The following SNX8 variants were observed in gnomAD, a reference collection of about 807,000 sequenced individuals.
SNX8 encodes sorting nexin-8.
Under a neutral mutation model 51.6 loss-of-function variants are expected in SNX8, and 25 were observed. The ratio of observed to expected loss-of-function variants is 0.48; its 90% confidence interval spans 0.35 to 0.68. The LOEUF is 0.68. Ranked by LOEUF, SNX8 falls within the 30% of genes least tolerant of loss-of-function variation. The pLI is 0.00. For missense variants in SNX8, 695 were observed against 624.0 expected, an observed-to-expected ratio of 1.11 and a Z score of -1.21; for synonymous variants, 324 against 277.0, an observed-to-expected ratio of 1.17 and a Z score of -1.68.
At chr7:2,328,267 G>A (rs1778663791) in intron 1 of SNX8, among the ~76,000 whole-genome samples, 1 of 151,984 alleles carries the variant, frequency 6.6e-6, no homozygotes. Context: ...TGGCCAGGCA[G>A]GCTAGTCTCA....
intron 1 of SNX8, among the ~76,000 whole-genome samples, chr7:2,342,155 G>C (rs1346781331): frequency 6.6e-6 from 1 of 151,466 alleles, no homozygotes; most frequent in Non-Finnish European, 1.5e-5. Flanking sequence ...CTCCAGCCTG[G>C]GCAATAAGAG....
intron 1 of SNX8, among the ~76,000 whole-genome samples, chr7:2,304,347 A>C (rs1180899765): frequency 6.6e-6 from 1 of 151,262 alleles, no homozygotes; most frequent in African/African-American, 2.4e-5. Context: ...GATAGAGACC[A>C]TCCTGGCTAA....
intron 1 of SNX8, among the ~76,000 whole-genome samples, chr7:2,331,292 CTA>C (rs1778730496): frequency 6.6e-6 from 1 of 151,334 alleles, no homozygotes; most frequent in Admixed American, 6.6e-5. Flanking sequence ...AGAAAAGCTA[CTA>C]GACTAATAAT....
At chr7:2,308,540 C>A (rs1487435684) in intron 1 of SNX8, among the ~76,000 whole-genome samples, 1 of 151,580 alleles carries the variant, frequency 6.6e-6, no homozygotes, top group Non-Finnish European at 1.5e-5. Context: ...TGGTGGCACA[C>A]GCCTGTAATC....
intron 3 of SNX8, among the ~76,000 whole-genome samples, chr7:2,274,014 C>T (rs73043244): frequency 0.15 from 22,766 of 152,310 alleles, 2,054 homozygotes; most frequent in Middle Eastern, 0.27. Flanking sequence ...GCTGCACTTC[C>T]TTAAATGCGC....
rs532532404 is a variant in SNX8, at chr7:2,290,833, A to G, written c.95-12528T>C. On this transcript the variant is annotated intron_variant, in intron 1 of 10. Transcript: ENST00000222990. ...AGCAGAGAATCTTCCCTCCTCCACC[A>G]CGGCCTCTCTGCCAATTCTCAGCTA... Among the ~76,000 whole-genome samples the G allele has an allele frequency of 9.2e-5, 14 of 152,318 alleles. No individual in the cohort carries two copies. In the East Asian group the frequency reaches 2.1e-3, roughly 23 times the overall value.
intron 1 of SNX8, among the ~76,000 whole-genome samples, chr7:2,287,385 C>G (rs2115158954): frequency 6.6e-6 from 1 of 152,180 alleles, no homozygotes; most frequent in South Asian, 2.1e-4. Context: ...TCGAGACCAG[C>G]CTGGCCAACA....
intron 5 of SNX8, among the ~76,000 whole-genome samples, chr7:2,266,958 G>T (rs752567728): frequency 6.6e-6 from 1 of 152,248 alleles, no homozygotes; most frequent in Non-Finnish European, 1.5e-5. Context: ...AATCTGAAAA[G>T]GTGCTGACAC....
intron 3 of SNX8, among the ~76,000 whole-genome samples, chr7:2,272,486 T>C (rs993105164): frequency 6.6e-6 from 1 of 151,820 alleles, no homozygotes; most frequent in Admixed American, 6.6e-5. Flanking sequence ...GCGATTCTCC[T>C]GTCTCAGCCT....
At chr7:2,307,849 C>G (rs1796580710) in intron 1 of SNX8, 1 of 152,174 alleles carries the variant, frequency 6.6e-6, no homozygotes, top group East Asian at 1.9e-4. Context: ...CCCCAGCAAA[C>G]AGGATGGGCA....
chr7:2,277,071 G>A (rs775636210), intron 2 of SNX8, among the ~76,000 whole-genome samples: 2 of 152,220 alleles, frequency 1.3e-5, no homozygotes, highest in Non-Finnish European at 2.9e-5. Context: ...TCCCACACAG[G>A]AGTGGGCCCT....
chr7:2,345,132 G>C (rs1215773568), intron 1 of SNX8, among the ~76,000 whole-genome samples: 1 of 152,054 alleles, frequency 6.6e-6, no homozygotes, highest in Non-Finnish European at 1.5e-5. Context: ...ATAGCTCATA[G>C]AGACAAGCAT....
At chr7:2,294,232 C>G (rs1429609572) in intron 1 of SNX8, among the ~76,000 whole-genome samples, 1 of 151,732 alleles carries the variant, frequency 6.6e-6, no homozygotes, top group African/African-American at 2.4e-5. Flanking sequence ...CATTGCACCC[C>G]AGCCCAGGCG....
chr7:2,278,604 C>T (rs1021621602), intron 1 of SNX8, among the ~76,000 whole-genome samples: 2 of 148,232 alleles, frequency 1.3e-5, no homozygotes, highest in African/African-American at 4.9e-5. Flanking sequence ...ACTCACACTA[C>T]GGAGTCGACG....
chr7:2,287,630 A>G (rs1286707671), intron 1 of SNX8, among the ~76,000 whole-genome samples: 5 of 152,074 alleles, frequency 3.3e-5, no homozygotes, highest in African/African-American at 9.7e-5. Context: ...GGGCACCTAT[A>G]GTCCCAGCTA....
In SNX8 at chr7:2,255,047, C is replaced by T. The variant is rs902268106; in HGVS notation, c.*9G>A. ...GCGGCCGCAGGGAGCACCACCTCAG[C>T]CTCAGGCGCTAGTGAGGACACAGGC... On this transcript the variant is annotated 3_prime_UTR_variant, in exon 11 of 11. Coordinates refer to ENST00000222990, the MANE Select transcript of SNX8 (RefSeq NM_013321.4). 1.3e-6 allele frequency: 2 copies of T among 1,538,476 alleles called. No homozygotes were observed. Among genetic ancestry groups the T allele is most frequent in the Middle Eastern group, 1.7e-4 (1 of 5,964 alleles).
intron 1 of SNX8, among the ~76,000 whole-genome samples, chr7:2,287,449 C>A (rs1418952045): frequency 3.3e-5 from 5 of 151,656 alleles, no homozygotes. Context: ...TGTGGTGGCG[C>A]ATGCCTGTAA....
exon 1 of SNX8, chr7:2,354,289 C>T (rs554286002): frequency 6.6e-6 from 1 of 152,210 alleles, no homozygotes; most frequent in African/African-American, 2.4e-5. Flanking sequence ...CCCCGAATTC[C>T]TTTTCTATTT....
At chr7:2,336,578 C>T (rs1235951843) in intron 1 of SNX8, among the ~76,000 whole-genome samples, 3 of 151,584 alleles carry the variant, frequency 2.0e-5, no homozygotes, top group South Asian at 2.1e-4. Context: ...CATGGTGGTG[C>T]GCACCTGTAA....
Sources: allele counts gnomAD v4.1 joint callset (sites outside exome capture counted in the v4.1 genomes callset), GRCh38; gene constraint gnomAD v4.1.1; transcripts MANE v1.5; gene names NCBI Gene and HGNC (gene_info 2026-07-23, HGNC 2026-07-21).